The following AAGAB variants were observed in gnomAD, a reference collection of about 807,000 sequenced individuals.
The protein encoded by AAGAB is alpha and gamma adaptin binding protein, also known as alpha- and gamma-adaptin-binding protein p34.
AAGAB carries 38 observed loss-of-function variants against 44.1 expected under a neutral mutation model. The observed-to-expected ratio is 0.86, with a 90% CI of 0.67 to 1.13. The LOEUF is 1.13. AAGAB is among the 50% of genes most tolerant of loss of function. The pLI is 0.00. For synonymous variants in AAGAB, 131 were observed against 131.8 expected (o/e 0.99, Z 0.04); for missense variants, 450 against 373.8 (o/e 1.20, Z -1.68).
At chr15:67,231,715 C>T (rs1166502163) in intron 5 of AAGAB, 99 bp downstream of exon 5, 4 of 961,584 alleles carry the variant, frequency 4.2e-6, no homozygotes, top group Non-Finnish European at 6.4e-6. Flanking sequence ...AACAAATCTA[C>T]AGATTTCATA....
At chr15:67,209,567 G>C (rs2140346384) in intron 5 of AAGAB, 23 bp from the exon 6 acceptor site, 1 of 1,575,344 alleles carries the variant, frequency 6.3e-7, no homozygotes, top group Non-Finnish European at 8.7e-7. Context: ...AATACACTTA[G>C]TGAAATTTGT....
chr15:67,249,747 T>G (rs1052487774), intron 1 of AAGAB, among the ~76,000 whole-genome samples: 2 of 152,236 alleles, frequency 1.3e-5, no homozygotes, highest in Non-Finnish European at 2.9e-5. Flanking sequence ...ACACATTACA[T>G]TCACACATTC....
intron 1 of AAGAB, among the ~76,000 whole-genome samples, chr15:67,238,100 C>A (rs1011316115): frequency 1.3e-5 from 2 of 151,938 alleles, no homozygotes; most frequent in Admixed American, 1.3e-4. Flanking sequence ...AAAAGGTCGG[C>A]CCTTTTTTTA....
chr15:67,211,964 C>T (rs1963831310), intron 5 of AAGAB, among the ~76,000 whole-genome samples: 1 of 151,932 alleles, frequency 6.6e-6, no homozygotes, highest in South Asian at 2.1e-4. Flanking sequence ...ACTGCAAGCT[C>T]CGCCTCCTGG....
intron 5 of AAGAB, among the ~76,000 whole-genome samples, chr15:67,215,824 C>T (rs1009900136): frequency 2.0e-5 from 3 of 152,140 alleles, no homozygotes; most frequent in Non-Finnish European, 2.9e-5. Flanking sequence ...TTTGAAATCA[C>T]AAAATAATTA....
At chr15:67,233,143 A>G (rs1964379975) in intron 4 of AAGAB, among the ~76,000 whole-genome samples, 1 of 152,202 alleles carries the variant, frequency 6.6e-6, no homozygotes, top group African/African-American at 2.4e-5. Context: ...AATCATGTAA[A>G]TGCTCTATCC....
intron 5 of AAGAB, among the ~76,000 whole-genome samples, chr15:67,230,267 GT>G (rs1315433097): frequency 6.6e-6 from 1 of 152,158 alleles, no homozygotes; most frequent in African/African-American, 2.4e-5. Flanking sequence ...CTAAAAGACT[GT>G]GTTAATGGAC....
intron 9 of AAGAB, among the ~76,000 whole-genome samples, chr15:67,203,245 A>C (rs1963608672): frequency 6.6e-6 from 1 of 152,212 alleles, no homozygotes; most frequent in South Asian, 2.1e-4. Flanking sequence ...TCCTGCCAAT[A>C]GCATGTGTTG....
In AAGAB at chr15:67,236,426, C is replaced by G; in HGVS notation, c.343G>C (p.Asp115His). Residue 115 changes from aspartate (D) to histidine (H), a missense_variant, in exon 3 of 10, where the codon GAT becomes CAT. Coordinates refer to ENST00000261880, the MANE Select transcript of AAGAB (RefSeq NM_024666.5). ...GCCTTACCATCTTCAGACACTCTATCGCAGACCAAGATCATCACCTCAGGT... is the reference window on the plus strand; with the variant it reads ...GCCTTACCATCTTCAGACACTCTATGGCAGACCAAGATCATCACCTCAGGT... ...WLPEVMILVC[D>H]RVSEDGINRQ... The G allele has an allele frequency of 6.2e-7, 1 of 1,614,106 alleles. No homozygotes were observed. Among genetic ancestry groups the G allele is most frequent in the Non-Finnish European group, 8.5e-7 (1 of 1,179,966 alleles).
At chr15:67,253,580 T>C (rs1188989401) in intron 1 of AAGAB, among the ~76,000 whole-genome samples, 1 of 151,716 alleles carries the variant, frequency 6.6e-6, no homozygotes, top group Non-Finnish European at 1.5e-5. Context: ...ATAGCAAGAC[T>C]CTGGCTCTAC....
chr15:67,236,248 G>GT (rs1416707354), intron 3 of AAGAB, among the ~76,000 whole-genome samples, 160 bp downstream of exon 3: 1 of 151,760 alleles, frequency 6.6e-6, no homozygotes, highest in Non-Finnish European at 1.5e-5. Flanking sequence ...TAAAAAAAAA[G>GT]TAAGTATTAC....
intron 7 of AAGAB, among the ~76,000 whole-genome samples, chr15:67,205,923 G>T (rs1480210168): frequency 5.3e-5 from 8 of 152,094 alleles, no homozygotes; most frequent in Non-Finnish European, 1.0e-4. Flanking sequence ...AGTACACAGA[G>T]TTTCTATATG....
chr15:67,250,246 G>T (rs1482087771), intron 1 of AAGAB, among the ~76,000 whole-genome samples: 1 of 151,960 alleles, frequency 6.6e-6, no homozygotes, highest in South Asian at 2.1e-4. Context: ...GCATGATCTC[G>T]GCTCACTGCA....
chr15:67,244,362 T>C (rs1964671495), intron 1 of AAGAB, among the ~76,000 whole-genome samples: 1 of 152,086 alleles, frequency 6.6e-6, no homozygotes, highest in Admixed American at 6.5e-5. Flanking sequence ...AAGTAAACAT[T>C]GTGTTTCAAG....
At chr15:67,227,440 A>G (rs1964230554) in intron 5 of AAGAB, among the ~76,000 whole-genome samples, 1 of 152,232 alleles carries the variant, frequency 6.6e-6, no homozygotes, top group Admixed American at 6.5e-5. Context: ...CTGCCACTGA[A>G]ATGCATATTT....
intron 5 of AAGAB, chr15:67,220,671 GAACA>G (rs1964046374): frequency 1.3e-5 from 2 of 152,100 alleles, no homozygotes; most frequent in Non-Finnish European, 1.5e-5. Context: ...TAAAACACAA[GAACA>G]TGTAATCTGG....
At chr15:67,251,433 T>C (rs28582946) in intron 1 of AAGAB, among the ~76,000 whole-genome samples, 129 of 152,238 alleles carry the variant, frequency 8.5e-4, no homozygotes, top group Admixed American at 3.7e-3. Context: ...TTTATTTTTA[T>C]TTTGTAGAGA....
chr15:67,238,207 T>A (rs1333193584), intron 1 of AAGAB, among the ~76,000 whole-genome samples: 1 of 152,198 alleles, frequency 6.6e-6, no homozygotes, highest in South Asian at 2.1e-4. Context: ...AAAACCAGAA[T>A]TGTTACTCTT....
At chr15:67,224,450 A>G (rs1278912780) in intron 5 of AAGAB, among the ~76,000 whole-genome samples, 1 of 152,140 alleles carries the variant, frequency 6.6e-6, no homozygotes. Context: ...ACTAGACCAT[A>G]CTAGAAACAA....
Sources: gnomAD v4.1 joint callset for allele counts (sites outside exome capture counted in the v4.1 genomes callset) on GRCh38, gnomAD v4.1.1 for gene constraint, MANE v1.5 for transcripts, NCBI Gene and HGNC (gene_info 2026-07-23, HGNC 2026-07-21) for gene names.